The following TNPO2 variants were observed in gnomAD, a reference collection of about 807,000 sequenced individuals.
TNPO2 encodes the protein transportin 2, also known as transportin-2.
Under a neutral mutation model 111.1 loss-of-function variants are expected in TNPO2, and 16 were observed. That is an observed-to-expected ratio of 0.14 (90% CI 0.10 to 0.22). The LOEUF is 0.22. Among genes scored for constraint, TNPO2 ranks in the 10% least tolerant of loss-of-function variants. The pLI, the probability that TNPO2 is intolerant of heterozygous loss-of-function variation, is 1.00. For missense variants in TNPO2, 530 were observed against 1,173.7 expected (o/e 0.45, Z 8.01); for synonymous variants, 481 against 475.8 (o/e 1.01, Z -0.14).
Position 12,699,533 on chromosome 19 carries a change from C to T in TNPO2, c.*1731G>A, listed in dbSNP as rs980671144. On this transcript the variant is annotated 3_prime_UTR_variant, in exon 26 of 26. Coordinates refer to ENST00000425528, the MANE Select transcript of TNPO2 (RefSeq NM_001382241.1). Reference sequence around the variant, plus strand: ...TTCCCTGAAGGTGTTTGTATCCCCCCATCTTGAGTAGCGAGGGGTTACCAA... The same window carrying T: ...TTCCCTGAAGGTGTTTGTATCCCCCTATCTTGAGTAGCGAGGGGTTACCAA... 6.5e-6 allele frequency: 1 copy of T among 153,992 alleles called. No individual in the cohort carries two copies. Among genetic ancestry groups the T allele is most frequent in the Non-Finnish European group, 1.4e-5 (1 of 69,402 alleles). 9.5% of individuals were successfully genotyped at this position (153,992 alleles called of 1,614,324 possible). A position where few individuals can be genotyped will look rare whatever the true frequency, so the allele number is the denominator to read the frequency against.
In TNPO2 at chr19:12,705,582, G is replaced by A; in HGVS notation, c.1773C>T (p.Ala591=). ...GCAGGAAGCCACTCTGCAGGGCGGT[G>A]GCCACCGATGACAGACACTGGCAGG... ...FPLLECLSSV[A]TALQSGFLPY... The change falls in exon 17 of 26, where the codon GCC becomes GCT. Residue 591 remains alanine (A), a synonymous_variant. Coordinates refer to ENST00000425528, the MANE Select transcript of TNPO2 (RefSeq NM_001382241.1). This position sits in a 1 kb window ranked among gnomAD's most constrained non-coding sequence, Gnocchi z 7.2. The A allele has an allele frequency of 6.2e-7, 1 of 1,603,106 alleles. No individual in the cohort carries two copies. The highest frequency in any genetic ancestry group is 8.5e-7 in the Non-Finnish European group (1 of 1,175,368).
rs781105395 is a variant in TNPO2, at chr19:12,705,245, T to G, written c.2017A>C (p.Met673Leu). The G allele has an allele frequency of 1.2e-6, 2 of 1,603,996 alleles. No homozygotes were observed. Among genetic ancestry groups the G allele is most frequent in the Non-Finnish European group, 1.7e-6 (2 of 1,175,868 alleles). The part of the protein sequence containing the change: ...SNIMTLLFQC[M>L]QDSMPEVRQS... ...TGTCCAGGGTCCCCACCCACCTGCATGCACTGGAACAGCAATGTCATGATG... is the reference window on the plus strand; with the variant it reads ...TGTCCAGGGTCCCCACCCACCTGCAGGCACTGGAACAGCAATGTCATGATG... Residue 673 changes from methionine to leucine, a missense_variant, in exon 18 of 26, where the codon ATG (methionine) becomes CTG (leucine). Met to Leu is a conservative substitution (Grantham distance 15, BLOSUM62 2). This residue lies in a region of TNPO2 where 183 missense variants were observed against 481.0 expected (regional missense o/e 0.38). Transcript: ENST00000425528. This position sits in a 1 kb window ranked among gnomAD's most constrained non-coding sequence, Gnocchi z 7.2.
rs1358912648 is a variant in TNPO2, at chr19:12,723,769, T to C, written c.-131A>G. On this transcript the variant is annotated splice_region_variant and 5_prime_UTR_variant, in exon 1 of 26. Coordinates refer to ENST00000425528, the MANE Select transcript of TNPO2 (RefSeq NM_001382241.1). ...GAGGGGAACAGCTATCTCAACCCAC[T>C]TGCCGTAGGCAAAGTCAGTCCCGGC... is the stretch of plus-strand genomic sequence containing the variant. The C allele has an allele frequency of 1.3e-5, 2 of 152,162 alleles. No individual in the cohort carries two copies. Among genetic ancestry groups the C allele is most frequent in the Non-Finnish European group, 2.9e-5 (2 of 68,022 alleles). 9.4% of individuals were successfully genotyped at this position (152,162 alleles called of 1,614,324 possible). A position where few individuals can be genotyped will look rare whatever the true frequency, so the allele number is the denominator to read the frequency against.
chr19:12,711,288 G>A lies in TNPO2; in HGVS notation c.1117+8C>T, dbSNP rs1273063260. The A allele has an allele frequency of 1.9e-6, 3 of 1,611,324 alleles. No individual in the cohort carries two copies. Among genetic ancestry groups the A allele is most frequent in the African/African-American group, 2.7e-5 (2 of 74,916 alleles). On this transcript the variant is annotated splice_region_variant and intron_variant, in intron 12 of 25. Transcript: ENST00000425528. Reference sequence around the variant, plus strand: ...ACCCCACCACCACCCCCAGGCAGGGGCACACACTCAAATTCCAGTCGGACA... The same window carrying A: ...ACCCCACCACCACCCCCAGGCAGGGACACACACTCAAATTCCAGTCGGACA...
At position 12,715,497 on chromosome 19, in the gene TNPO2, T is replaced by G; in HGVS notation, c.474A>C (p.Ser158=). 6.2e-7 allele frequency: 1 copy of G among 1,613,848 alleles called. No individual in the cohort carries two copies. Among genetic ancestry groups the G allele is most frequent in the Non-Finnish European group, 8.5e-7 (1 of 1,179,830 alleles). ...TGAGGGCGTCACTGTCCAGAAGCTC[T>G]GATGAGTCTTCACAGATCTTCTGCA... is the stretch of plus-strand genomic sequence containing the variant. ...GALQKICEDS[S]ELLDSDALNR... The change falls in exon 7 of 26, where the codon TCA becomes TCC. Residue 158 remains serine, a synonymous_variant. Transcript: ENST00000425528. The surrounding 1 kb of genome is among the most constrained non-coding windows in gnomAD (Gnocchi z 7.1).
rs114896733 is a variant in TNPO2, at chr19:12,721,089, A to G, written c.-13-99T>C. 2.0e-3 allele frequency: 3,041 copies of G among 1,528,964 alleles called. 54 individuals are homozygous for G. The African/African-American group carries it at 0.037, about 18-fold the overall frequency. 94.7% of individuals were successfully genotyped at this position (1,528,964 alleles called of 1,614,324 possible). A position where few individuals can be genotyped will look rare whatever the true frequency, so the allele number is the denominator to read the frequency against. ...CCGCGGTGGCCGCATGACGACGGGAACGCCCTCGGCGGACAGGCGGAGGCC... is the reference window on the plus strand; with the variant it reads ...CCGCGGTGGCCGCATGACGACGGGAGCGCCCTCGGCGGACAGGCGGAGGCC... On this transcript the variant is annotated intron_variant, in intron 2 of 25. Coordinates refer to ENST00000425528, the MANE Select transcript of TNPO2 (RefSeq NM_001382241.1). This position sits in a 1 kb window ranked among gnomAD's most constrained non-coding sequence, Gnocchi z 4.9.
Position 12,701,078 on chromosome 19 carries a change from T to A in TNPO2, c.*186A>T. The A allele has an allele frequency of 2.8e-4, 97 of 350,834 alleles. No individual in the cohort carries two copies. The highest frequency in any genetic ancestry group is 4.2e-4 in the East Asian group (8 of 18,986). The allele number at this position is 350,834 out of a possible 1,614,324, so 21.7% of individuals were successfully genotyped here. A position where few individuals can be genotyped will look rare whatever the true frequency, so the allele number is the denominator to read the frequency against. On this transcript the variant is annotated 3_prime_UTR_variant, in exon 26 of 26. Transcript: ENST00000425528. The surrounding 1 kb of genome is among the most constrained non-coding windows in gnomAD (Gnocchi z 5.0). ...GATGAGCATGGTGGCCCCACCCACC[T>A]GCCAGGAGGGCAAGTGGACGGATGG... is the stretch of plus-strand genomic sequence containing the variant.
intron 13 of TNPO2, among the ~76,000 whole-genome samples, chr19:12,708,793 C>G (rs1444143757): frequency 6.6e-6 from 1 of 152,016 alleles, no homozygotes; most frequent in Admixed American, 6.6e-5. Flanking sequence ...ATCTCTGGAA[C>G]TCGGGAGGCA....
At chr19:12,722,406 G>A (rs1212437928) in intron 2 of TNPO2, 1 of 150,288 alleles carries the variant, frequency 6.7e-6, no homozygotes, top group Admixed American at 6.6e-5. Context: ...GCGCGGCGCA[G>A]GCTCGGTGCC....
In TNPO2 at chr19:12,721,264, G is replaced by A; in HGVS notation, c.-13-274C>T. On this transcript the variant is annotated intron_variant, in intron 2 of 25. Transcript: ENST00000425528. The surrounding 1 kb of genome is among the most constrained non-coding windows in gnomAD (Gnocchi z 4.9). Reference sequence around the variant, plus strand: ...CCGGCGGATCCTCATGGGACCCAGCGAAGAGCCCTCGTCCCAGGGTGGCCC... The same window carrying A: ...CCGGCGGATCCTCATGGGACCCAGCAAAGAGCCCTCGTCCCAGGGTGGCCC... 1.5e-6 allele frequency: 2 copies of A among 1,295,834 alleles called. No homozygotes were observed. Among genetic ancestry groups the A allele is most frequent in the Non-Finnish European group, 2.0e-6 (2 of 1,016,352 alleles). The allele number at this position is 1,295,834 out of a possible 1,614,324, so 80.3% of individuals were successfully genotyped here. A position where few individuals can be genotyped will look rare whatever the true frequency, so the allele number is the denominator to read the frequency against.
intron 3 of TNPO2, among the ~76,000 whole-genome samples, chr19:12,720,406 TA>T (rs2026615950): frequency 6.6e-6 from 1 of 152,080 alleles, no homozygotes; most frequent in Non-Finnish European, 1.5e-5. Flanking sequence ...CCACAACCTC[TA>T]CCTCCTGGGC....
Position 12,702,785 on chromosome 19 carries a change from A to G in TNPO2, c.2305+38T>C, listed in dbSNP as rs10413431. The G allele has an allele frequency of 0.039, 62,047 of 1,581,826 alleles. 11,022 individuals are homozygous for G. In the African/African-American group the frequency reaches 0.53, roughly 13 times the overall value. ...GCCCAGAACCCCACCTCCAGAAGGC[A>G]GGCAGGGGTGCAGGCAGCAGCCGGG... On this transcript the variant is annotated intron_variant, in intron 21 of 25. Transcript: ENST00000425528. This position sits in a 1 kb window ranked among gnomAD's most constrained non-coding sequence, Gnocchi z 5.5.
At chr19:12,704,975 C>T (rs2025552331) in intron 18 of TNPO2, among the ~76,000 whole-genome samples, 1 of 152,020 alleles carries the variant, frequency 6.6e-6, no homozygotes, top group South Asian at 2.1e-4. Flanking sequence ...AGCACCTGGC[C>T]TCACATTTTC....
rs1039178392 is a variant in TNPO2 at position 12,701,182 on chromosome 19, C to T, written c.*82G>A. 5 of 598,376 alleles carry T rather than the reference C, an allele frequency of 8.4e-6. No homozygotes were observed. The East Asian group carries it at 8.5e-5, about 10-fold the overall frequency. 37.1% of individuals were successfully genotyped at this position (598,376 alleles called of 1,614,324 possible). A position where few individuals can be genotyped will look rare whatever the true frequency, so the allele number is the denominator to read the frequency against. On this transcript the variant is annotated 3_prime_UTR_variant, in exon 26 of 26. Transcript: ENST00000425528. The surrounding 1 kb of genome is among the most constrained non-coding windows in gnomAD (Gnocchi z 5.0). ...TCCCTAACCCCCCTCAACCAGGGCA[C>T]AGCGACTTCCGGATGCAGCGCACTC...
Position 12,703,416 on chromosome 19 carries a change from C to A in TNPO2, c.2209+12G>T. On this transcript the variant is annotated intron_variant, in intron 20 of 25. Transcript: ENST00000425528. Reference sequence around the variant, plus strand: ...AATGGGGGGCGCGTGTTGCCACTTGCAGGGCACTCACCCATCTGCATGCAG... The same window carrying A: ...AATGGGGGGCGCGTGTTGCCACTTGAAGGGCACTCACCCATCTGCATGCAG... The A allele has an allele frequency of 6.2e-7, 1 of 1,612,558 alleles. No individual in the cohort carries two copies. The highest frequency in any genetic ancestry group is 8.5e-7 in the Non-Finnish European group (1 of 1,178,906).
intron 10 of TNPO2, among the ~76,000 whole-genome samples, chr19:12,712,351 C>A (rs1053059176): frequency 4.6e-5 from 7 of 152,084 alleles, no homozygotes; most frequent in African/African-American, 1.7e-4. Flanking sequence ...TCCCTTTCCC[C>A]GGGGGAGTTT....
intron 10 of TNPO2, among the ~76,000 whole-genome samples, chr19:12,714,318 T>TC (rs1056744648): frequency 6.6e-6 from 1 of 150,544 alleles, no homozygotes; most frequent in African/African-American, 2.4e-5. Flanking sequence ...TCATTTCTTT[T>TC]TTTTTTTTTT....
In TNPO2 at chr19:12,702,573, G is replaced by A. The variant is rs1160273199; in HGVS notation, c.2305+250C>T. Among the ~76,000 whole-genome samples the A allele has an allele frequency of 6.6e-6, 1 of 152,016 alleles. No individual in the cohort carries two copies. Among genetic ancestry groups the A allele is most frequent in the Non-Finnish European group, 1.5e-5 (1 of 68,006 alleles). ...AGTAGAGATGGGGTTTCACCATGTT[G>A]GCCAGGCTGGTCTCGAACTCCTGAC... On this transcript the variant is annotated intron_variant, in intron 21 of 25. Transcript: ENST00000425528. The surrounding 1 kb of genome is among the most constrained non-coding windows in gnomAD (Gnocchi z 5.5).
In TNPO2 at chr19:12,721,596, A is replaced by T. The variant is rs1966953490; in HGVS notation, c.-13-606T>A. 1 of 279,878 alleles carries T rather than the reference A, an allele frequency of 3.6e-6. No homozygotes were observed. The highest frequency in any genetic ancestry group is 2.4e-5 in the African/African-American group (1 of 42,354). 17.3% of individuals were successfully genotyped at this position (279,878 alleles called of 1,614,324 possible). ...TGTTCCTGCCCTTCAAGCTCAGTGG[A>T]TGCCAGATATCCCCCTCTGTGGCCT... On this transcript the variant is annotated intron_variant, in intron 2 of 25. Coordinates refer to ENST00000425528, the MANE Select transcript of TNPO2 (RefSeq NM_001382241.1). This position sits in a 1 kb window ranked among gnomAD's most constrained non-coding sequence, Gnocchi z 4.9.
Sources: gnomAD v4.1 joint callset for allele counts (sites outside exome capture counted in the v4.1 genomes callset) on GRCh38, gnomAD v4.1.1 for gene constraint, gnomAD v4.1.1 regional missense constraint, Gnocchi (gnomAD v3.1) non-coding constraint, MANE v1.5 for transcripts, NCBI Gene and HGNC (gene_info 2026-07-23, HGNC 2026-07-21) for gene names.